Variants in ATP2C1 observed in about 807,000 individuals in gnomAD.
ATP2C1 encodes the protein calcium-transporting ATPase type 2C member 1.
A neutral mutation model predicts 120.5 loss-of-function variants in ATP2C1; 31 were observed. The observed-to-expected ratio is 0.26, with a 90% CI of 0.19 to 0.35. ATP2C1 has a LOEUF of 0.35. ATP2C1 is among the 10% of genes least tolerant of loss of function. ATP2C1 has a pLI of 1.00. For missense variants in ATP2C1, 731 were observed against 1,107.5 expected, an observed-to-expected ratio of 0.66 and a Z score of 4.83; for synonymous variants, 351 against 358.7, an observed-to-expected ratio of 0.98 and a Z score of 0.24.
chr3:130,852,554 A>G (rs2067708324), intron 1 of ATP2C1, among the ~76,000 whole-genome samples: 1 of 152,184 alleles, frequency 6.6e-6, no homozygotes, highest in Non-Finnish European at 1.5e-5. Context: ...GGGAGTGAGT[A>G]TTATGCTGAG....
intron 10 of ATP2C1, among the ~76,000 whole-genome samples, chr3:130,955,315 G>T (rs2060533288): frequency 6.6e-6 from 1 of 152,088 alleles, no homozygotes; most frequent in South Asian, 2.1e-4. Flanking sequence ...GCAGAAAAAG[G>T]CTTATAGCCA....
chr3:130,891,497 C>CA (rs1365855807), upstream of ATP2C1, among the ~76,000 whole-genome samples: 3 of 152,116 alleles, frequency 2.0e-5, no homozygotes, highest in African/African-American at 7.2e-5. Context: ...GCATCAGATG[C>CA]ATTTAATTTT....
At chr3:130,902,284 GTTTTTTTTTTTTGTTTTTTTTTTT>G (rs2057880461) in intron 2 of ATP2C1, among the ~76,000 whole-genome samples, 3 of 65,502 alleles carry the variant, frequency 4.6e-5, no homozygotes, top group South Asian at 6.4e-4. Flanking sequence ...AAGGCTTCAC[GTTTTTTTTTTTTGTTTTTTTTTTT>G]TTTTTTTTTT....
intron 11 of ATP2C1, among the ~76,000 whole-genome samples, chr3:130,957,239 C>G (rs950535984): frequency 6.6e-6 from 1 of 152,132 alleles, no homozygotes; most frequent in Non-Finnish European, 1.5e-5. Flanking sequence ...TGGTTTTGTT[C>G]TGTTCCTAAA....
chr3:130,955,240 T>C (rs188159335), intron 10 of ATP2C1, among the ~76,000 whole-genome samples, 160 bp downstream of exon 10: 43 of 152,330 alleles, frequency 2.8e-4, no homozygotes, highest in Admixed American at 2.6e-3. Context: ...AAGCCTGTAA[T>C]TGAAAAGGTC....
chr3:130,920,533 A>C (rs2058906031), intron 2 of ATP2C1, among the ~76,000 whole-genome samples: 1 of 152,096 alleles, frequency 6.6e-6, no homozygotes, highest in South Asian at 2.1e-4. Flanking sequence ...GTGGCTCTAT[A>C]TGTCCGTCTT....
chr3:130,858,004 A>G (rs1223987867), intron 1 of ATP2C1, among the ~76,000 whole-genome samples: 1 of 152,294 alleles, frequency 6.6e-6, no homozygotes, highest in East Asian at 1.9e-4. Context: ...CCAAGAGTCC[A>G]AAAGCTGAAG....
At chr3:130,974,408 G>A (rs1411264836) in intron 17 of ATP2C1, among the ~76,000 whole-genome samples, 1 of 152,160 alleles carries the variant, frequency 6.6e-6, no homozygotes, top group Non-Finnish European at 1.5e-5. Flanking sequence ...TAGAAGAATA[G>A]GAAATTGTGC....
chr3:130,878,751 T>C (rs1038242619), intron 1 of ATP2C1, among the ~76,000 whole-genome samples: 1 of 152,342 alleles, frequency 6.6e-6, no homozygotes, highest in Middle Eastern at 3.4e-3. Context: ...AAATATGCTA[T>C]TATTCTGATG....
Position 130,894,162 on chromosome 3 carries a change from C to CCCCCCAAAA in ATP2C1, c.-356_-355insCCCCCAAAA. On this transcript the variant is annotated 5_prime_UTR_variant, in exon 1 of 28. Transcript: ENST00000510168. This position sits in a 1 kb window ranked among gnomAD's most constrained non-coding sequence, Gnocchi z 4.5. The stretch of plus-strand genomic sequence containing the variant: ...CCTCCTCTTCTCTCCCCTCCCCGCC[C>CCCCCCAAAA]GCCCTCTCTCCCTCCCTTCCTCCCT... The CCCCCCAAAA allele has an allele frequency of 2.7e-6, 2 of 733,880 alleles. No homozygotes were observed. Among genetic ancestry groups the CCCCCCAAAA allele is most frequent in the African/African-American group, 1.9e-5 (1 of 52,422 alleles). 45.5% of individuals were successfully genotyped at this position (733,880 alleles called of 1,614,324 possible). A position where few individuals can be genotyped will look rare whatever the true frequency, so the allele number is the denominator to read the frequency against.
intron 2 of ATP2C1, chr3:130,927,658 T>C (rs886363543): frequency 3.9e-5 from 6 of 152,292 alleles, no homozygotes; most frequent in Admixed American, 2.6e-4. Context: ...TAGGCCTGCC[T>C]AGGAAAGAAA....
chr3:130,945,554 C>A (rs1205013839), intron 8 of ATP2C1, among the ~76,000 whole-genome samples: 1 of 134,064 alleles, frequency 7.5e-6, no homozygotes, highest in African/African-American at 2.8e-5. Flanking sequence ...TGTGATGTTT[C>A]CAACCCCGTG....
At chr3:130,883,025 T>C (rs2068836010) in intron 1 of ATP2C1, among the ~76,000 whole-genome samples, 1 of 152,132 alleles carries the variant, frequency 6.6e-6, no homozygotes, top group South Asian at 2.1e-4. Context: ...TCAATCTTGT[T>C]ACTTGTTACT....
intron 1 of ATP2C1, among the ~76,000 whole-genome samples, chr3:130,858,168 G>A (rs1373105488): frequency 6.6e-6 from 1 of 151,982 alleles, no homozygotes; most frequent in African/African-American, 2.4e-5. Context: ...CCAGATTGAG[G>A]GTGGGTCTGC....
intron 1 of ATP2C1, among the ~76,000 whole-genome samples, chr3:130,877,534 A>T (rs1481341557): frequency 6.6e-6 from 1 of 152,244 alleles, no homozygotes; most frequent in Non-Finnish European, 1.5e-5. Flanking sequence ...AGACCCATGA[A>T]AAAATGCTCA....
At chr3:130,937,602 A>C (rs1191386811) in intron 6 of ATP2C1, 139 bp downstream of exon 6, 3 of 747,124 alleles carry the variant, frequency 4.0e-6, no homozygotes, top group Non-Finnish European at 2.4e-6. Context: ...AAGTAATTTC[A>C]GATACAGACA....
At chr3:130,966,228 A>G (rs949359942) in intron 14 of ATP2C1, among the ~76,000 whole-genome samples, 4 of 152,124 alleles carry the variant, frequency 2.6e-5, no homozygotes, top group African/African-American at 9.7e-5. Context: ...GATCTGGTCA[A>G]AGATCCCCCA....
At chr3:131,012,432 A>G (rs192958283) in intron 26 of ATP2C1, among the ~76,000 whole-genome samples, 1 of 151,484 alleles carries the variant, frequency 6.6e-6, no homozygotes, top group Non-Finnish European at 1.5e-5. Context: ...TAATTTTTGT[A>G]TTTTTAGTAG....
At chr3:130,854,201 G>A (rs937125592) in intron 1 of ATP2C1, 6 of 152,178 alleles carry the variant, frequency 3.9e-5, no homozygotes, top group Admixed American at 3.3e-4. Flanking sequence ...CTTGCAGCAA[G>A]TGTTTCACAA....
Sources: allele counts gnomAD v4.1 joint callset (sites outside exome capture counted in the v4.1 genomes callset), GRCh38; gene constraint gnomAD v4.1.1; non-coding constraint Gnocchi (gnomAD v3.1); transcripts MANE v1.5; gene names NCBI Gene and HGNC (gene_info 2026-07-23, HGNC 2026-07-21).